The following ARB2A variants were observed in gnomAD, a reference collection of about 807,000 sequenced individuals.
ARB2A encodes cotranscriptional regulator ARB2A.
the ARB2A span, among the ~76,000 whole-genome samples, chr5:93,846,516 TAATAAA>T: frequency 6.6e-6 from 1 of 151,042 alleles, no homozygotes; most frequent in South Asian, 2.1e-4. Flanking sequence ...AAAATAATAA[TAATAAA>T]AATAAAACAA....
the ARB2A span, among the ~76,000 whole-genome samples, chr5:93,844,359 A>C: frequency 6.6e-6 from 1 of 151,966 alleles, no homozygotes; most frequent in Non-Finnish European, 1.5e-5. Context: ...TAGGAGGATC[A>C]TTTGAGTCCA....
the ARB2A span, chr5:93,804,779 TG>T: frequency 2.0e-6 from 1 of 495,506 alleles, no homozygotes; most frequent in Non-Finnish European, 2.6e-6. Context: ...AGAAAAGAAA[TG>T]CTTTTGCCTA....
At chr5:93,941,515 C>A in the ARB2A span, among the ~76,000 whole-genome samples, 8 of 152,302 alleles carry the variant, frequency 5.3e-5, no homozygotes, top group African/African-American at 1.4e-4. Flanking sequence ...CACTGAAATT[C>A]TGATCATACA....
At chr5:93,857,991 T>C in the ARB2A span, among the ~76,000 whole-genome samples, 1 of 152,184 alleles carries the variant, frequency 6.6e-6, no homozygotes, top group African/African-American at 2.4e-5. Context: ...TCACTTCTTA[T>C]TTTCTTTAGT....
chr5:93,722,743 T>C, the ARB2A span, among the ~76,000 whole-genome samples: 1 of 152,154 alleles, frequency 6.6e-6, no homozygotes, highest in African/African-American at 2.4e-5. Context: ...GTTATTCCTC[T>C]GTTACATTCT....
the ARB2A span, among the ~76,000 whole-genome samples, chr5:93,802,948 T>C: frequency 0.11 from 16,359 of 152,126 alleles, 982 homozygotes; most frequent in Middle Eastern, 0.17. Context: ...AGTATTTCGC[T>C]AACATCCAGA....
the ARB2A span, among the ~76,000 whole-genome samples, chr5:93,864,195 TG>T: frequency 4.6e-5 from 7 of 152,334 alleles, no homozygotes; most frequent in East Asian, 1.3e-3. Context: ...AAATGTTTAA[TG>T]AACTGTAAAA....
the ARB2A span, among the ~76,000 whole-genome samples, chr5:93,930,686 A>G: frequency 8.6e-5 from 13 of 151,924 alleles, no homozygotes; most frequent in Admixed American, 8.5e-4. Flanking sequence ...TATAAGAAAA[A>G]CCCTCTTCTT....
chr5:94,009,981 T>C, the ARB2A span, among the ~76,000 whole-genome samples: 8 of 151,944 alleles, frequency 5.3e-5, no homozygotes, highest in African/African-American at 9.6e-5. Context: ...CTGATAACAC[T>C]GAAGAACTGG....
chr5:93,988,290 T>C, the ARB2A span, among the ~76,000 whole-genome samples: 1 of 152,188 alleles, frequency 6.6e-6, no homozygotes. Flanking sequence ...CCTAGAATAA[T>C]GATCCAAATC....
chr5:93,728,553 T>C, the ARB2A span, among the ~76,000 whole-genome samples: 2 of 152,028 alleles, frequency 1.3e-5, no homozygotes, highest in African/African-American at 4.8e-5. Flanking sequence ...TTTTTTAAAA[T>C]CAAAAGCCTG....
the ARB2A span, chr5:93,735,545 T>C: frequency 1.3e-5 from 2 of 152,208 alleles, no homozygotes; most frequent in Non-Finnish European, 2.9e-5. Context: ...CAATCAGAGT[T>C]GTTTATTCTG....
At chr5:93,710,026 T>C in the ARB2A span, among the ~76,000 whole-genome samples, 3 of 152,204 alleles carry the variant, frequency 2.0e-5, no homozygotes, top group Non-Finnish European at 4.4e-5. Context: ...GAATCAAGGT[T>C]GTTGGATGTC....
At chr5:93,953,534 TG>T in the ARB2A span, among the ~76,000 whole-genome samples, 1 of 152,086 alleles carries the variant, frequency 6.6e-6, no homozygotes, top group African/African-American at 2.4e-5. Flanking sequence ...CTGCCTGAGC[TG>T]GGGGAAGGGT....
the ARB2A span, among the ~76,000 whole-genome samples, chr5:93,638,597 C>G: frequency 6.6e-6 from 1 of 151,080 alleles, no homozygotes; most frequent in African/African-American, 2.4e-5. Context: ...CGGGTCACCT[C>G]AGGTTGGGAG....
chr5:93,834,255 C>G, the ARB2A span, among the ~76,000 whole-genome samples: 3 of 152,088 alleles, frequency 2.0e-5, no homozygotes, highest in African/African-American at 7.2e-5. Context: ...CATGTAGCAC[C>G]TAGTGTGAGA....
At chr5:94,002,449 G>GT in the ARB2A span, among the ~76,000 whole-genome samples, 761 of 145,538 alleles carry the variant, frequency 5.2e-3, 5 homozygotes, top group African/African-American at 0.015. Context: ...TATAGTTCAG[G>GT]TTTTTTTTTT....
chr5:93,746,125 A>G, the ARB2A span, among the ~76,000 whole-genome samples: 2 of 152,220 alleles, frequency 1.3e-5, no homozygotes, highest in South Asian at 2.1e-4. Flanking sequence ...ATGATTGTCA[A>G]TCCTTTGTGT....
At chr5:93,936,410 T>C in the ARB2A span, among the ~76,000 whole-genome samples, 1 of 152,270 alleles carries the variant, frequency 6.6e-6, no homozygotes, top group African/African-American at 2.4e-5. Flanking sequence ...TGGATTCTTA[T>C]AATCCAAAGT....
Sources: gnomAD v4.1 joint callset for allele counts (sites outside exome capture counted in the v4.1 genomes callset) on GRCh38, gnomAD v4.1.1 for gene constraint, MANE v1.5 for transcripts, NCBI Gene and HGNC (gene_info 2026-07-23, HGNC 2026-07-21) for gene names.